PCGF5: variants seen among roughly 807,000 people sequenced by gnomAD.
The protein encoded by PCGF5 is polycomb group ring finger 5, also known as polycomb group RING finger protein 5.
In PCGF5, 9 loss-of-function variants were observed where a neutral mutation model predicts 44.3. That is an observed-to-expected ratio of 0.20 (90% CI 0.12 to 0.35). The LOEUF (loss-of-function observed/expected upper bound fraction) is 0.35, where lower values mean the gene tolerates loss of function less well. Ranked by LOEUF, PCGF5 falls within the 10% of genes least tolerant of loss-of-function variation. The pLI is 1.00. For missense variants in PCGF5, 146 were observed against 305.3 expected (o/e 0.48, Z 3.89); for synonymous variants, 95 against 102.5 (o/e 0.93, Z 0.44).
chr10:91,253,407 C>G (rs758192907), intron 6 of PCGF5, among the ~76,000 whole-genome samples: 3 of 151,932 alleles, frequency 2.0e-5, no homozygotes, highest in Non-Finnish European at 2.9e-5. Context: ...GTCCTCATTT[C>G]CAGCCCTGCT....
intron 7 of PCGF5, among the ~76,000 whole-genome samples, chr10:91,261,774 A>G (rs1845917523): frequency 6.6e-6 from 1 of 152,226 alleles, no homozygotes; most frequent in African/African-American, 2.4e-5. Flanking sequence ...ATCCATTATT[A>G]CCAATTCTTT....
chr10:91,264,288 A>G (rs1379437594), intron 7 of PCGF5, 143 bp from the exon 8 acceptor site: 3 of 620,316 alleles, frequency 4.8e-6, no homozygotes, highest in Non-Finnish European at 8.2e-6. Flanking sequence ...TTAATGCTTT[A>G]GGAGAATAAA....
At chr10:91,208,430 T>A (rs771103167) in intron 1 of PCGF5, among the ~76,000 whole-genome samples, 2 of 152,136 alleles carry the variant, frequency 1.3e-5, no homozygotes, top group Non-Finnish European at 2.9e-5. Context: ...CCACTTCAAT[T>A]TTAATTGTGT....
At chr10:91,222,588 T>C in intron 1 of PCGF5, 101 bp from the exon 2 acceptor site, 1 of 470,118 alleles carries the variant, frequency 2.1e-6, no homozygotes, top group East Asian at 3.2e-5. Context: ...ATTCACCCAA[T>C]TGGGAACATG....
Position 91,278,323 on chromosome 10 carries a change from G to A in PCGF5, c.*7G>A. 6.2e-7 allele frequency: 1 copy of A among 1,608,484 alleles called. No homozygotes were observed. Among genetic ancestry groups the A allele is most frequent in the Non-Finnish European group, 8.5e-7 (1 of 1,174,936 alleles). ...AAGAATTGATTTCGGTTAGACCAAGGGGCCCAGACCTCACTGAGATGAATC... is the reference window on the plus strand; with the variant it reads ...AAGAATTGATTTCGGTTAGACCAAGAGGCCCAGACCTCACTGAGATGAATC... On this transcript the variant is annotated 3_prime_UTR_variant, in exon 10 of 10. Coordinates refer to ENST00000336126, the MANE Select transcript of PCGF5 (RefSeq NM_032373.5).
the PCGF5 span, among the ~76,000 whole-genome samples, chr10:91,157,540 G>T: frequency 6.6e-6 from 1 of 152,130 alleles, no homozygotes; most frequent in Non-Finnish European, 1.5e-5. Context: ...AATAACAGTT[G>T]TAAAGAGAAA....
intron 1 of PCGF5, among the ~76,000 whole-genome samples, chr10:91,193,588 G>T (rs929284377): frequency 2.0e-5 from 3 of 152,016 alleles, no homozygotes; most frequent in Non-Finnish European, 4.4e-5. Flanking sequence ...GGATGAGTAG[G>T]AGATAGGGTC....
chr10:91,212,265 G>A (rs759513936), intron 1 of PCGF5, among the ~76,000 whole-genome samples: 10 of 152,286 alleles, frequency 6.6e-5, no homozygotes, highest in Admixed American at 2.6e-4. Context: ...AAAATGAGGT[G>A]TTAGAGGTGT....
intron 1 of PCGF5, among the ~76,000 whole-genome samples, chr10:91,210,958 A>T (rs1303221377): frequency 6.6e-6 from 1 of 152,172 alleles, no homozygotes; most frequent in African/African-American, 2.4e-5. Context: ...TCACACAAAA[A>T]CCCAGAAGGA....
Position 91,168,929 on chromosome 10 carries a change from GAAAAAAAA to G in PCGF5, c.-184+5870_-184+5877del, listed in dbSNP as rs57345364. Reference sequence around the variant, plus strand: ...GGCGACAGTGTGAGACTCCGTCTCAGAAAAAAAAAAAAAAAAAAAAAAAAAAAAAGAAG... The same window carrying G: ...GGCGACAGTGTGAGACTCCGTCTCAGAAAAAAAAAAAAAAAAAAAAAGAAG... On this transcript the variant is annotated intron_variant, in intron 1 of 9. Coordinates refer to the PCGF5 transcript ENST00000614189. Among the ~76,000 whole-genome samples, 18 of 56,166 alleles carry G rather than the reference GAAAAAAAA, an allele frequency of 3.2e-4. 1 individual carries two copies. Among genetic ancestry groups the G allele is most frequent in the Non-Finnish European group, 5.5e-4 (17 of 30,808 alleles). The allele number at this position is 56,166 out of a possible 152,430, so 36.8% of individuals were successfully genotyped here.
chr10:91,186,522 A>G (rs7077883), intron 1 of PCGF5, among the ~76,000 whole-genome samples: 4,922 of 141,696 alleles, frequency 0.035, 251 homozygotes, highest in African/African-American at 0.14. Context: ...GAAAAACTTC[A>G]TATATATATG....
At chr10:91,178,212 A>G (rs953785634) in intron 1 of PCGF5, among the ~76,000 whole-genome samples, 1 of 152,214 alleles carries the variant, frequency 6.6e-6, no homozygotes, top group Non-Finnish European at 1.5e-5. Flanking sequence ...TTAGTGTACA[A>G]TAGGACAGCC....
chr10:91,241,240 T>C (rs914738017), intron 3 of PCGF5, among the ~76,000 whole-genome samples: 1 of 151,850 alleles, frequency 6.6e-6, no homozygotes, highest in Non-Finnish European at 1.5e-5. Context: ...ACATTAATTT[T>C]GTATTTTTAG....
chr10:91,160,527 A>G (rs550551994), upstream of PCGF5, among the ~76,000 whole-genome samples: 5 of 152,302 alleles, frequency 3.3e-5, no homozygotes, highest in South Asian at 8.3e-4. Context: ...CAGCAACAGG[A>G]TAATTCCTAA....
At chr10:91,256,780 A>G (rs1845762721) in intron 6 of PCGF5, among the ~76,000 whole-genome samples, 1 of 152,082 alleles carries the variant, frequency 6.6e-6, no homozygotes, top group East Asian at 1.9e-4. Context: ...GCAATAGGAT[A>G]ATATATGCAG....
At chr10:91,226,648 T>C (rs1024749196) in intron 2 of PCGF5, among the ~76,000 whole-genome samples, 2 of 152,122 alleles carry the variant, frequency 1.3e-5, no homozygotes, top group African/African-American at 4.8e-5. Flanking sequence ...CAGAGAGAAA[T>C]TCTGGATCCA....
chr10:91,200,112 G>A (rs954926629), intron 1 of PCGF5, among the ~76,000 whole-genome samples: 2 of 152,186 alleles, frequency 1.3e-5, no homozygotes, highest in African/African-American at 4.8e-5. Context: ...TCCTGGAGAT[G>A]CTAACTTCCC....
At chr10:91,222,660 T>G (rs1359560077) in intron 1 of PCGF5, 29 bp from the exon 2 acceptor site, 1 of 518,392 alleles carries the variant, frequency 1.9e-6, no homozygotes, top group Admixed American at 3.6e-5. Flanking sequence ...CTTTTTTCTC[T>G]CATCTTTTTG....
At chr10:91,235,418 G>C (rs1845132821) in intron 2 of PCGF5, among the ~76,000 whole-genome samples, 2 of 152,154 alleles carry the variant, frequency 1.3e-5, no homozygotes, top group South Asian at 4.1e-4. Flanking sequence ...TTTGTGATGA[G>C]GTAAGTATAA....
Sources: allele counts gnomAD v4.1 joint callset (sites outside exome capture counted in the v4.1 genomes callset), GRCh38; gene constraint gnomAD v4.1.1; transcripts MANE v1.5; gene names NCBI Gene and HGNC (gene_info 2026-07-23, HGNC 2026-07-21).